The following GORASP2 variants were observed in gnomAD, a reference collection of about 807,000 sequenced individuals.
GORASP2 encodes the protein golgi reassembly stacking protein 2.
A neutral mutation model predicts 45.7 loss-of-function variants in GORASP2; 22 were observed. The observed-to-expected ratio is 0.48, with a 90% CI of 0.34 to 0.69. The LOEUF (loss-of-function observed/expected upper bound fraction) is 0.69. GORASP2 is among the 30% of genes least tolerant of loss of function. The pLI is 0.01. For missense variants in GORASP2, 491 were observed against 562.7 expected, an observed-to-expected ratio of 0.87 and a Z score of 1.29; for synonymous variants, 221 against 215.6, an observed-to-expected ratio of 1.02 and a Z score of -0.22.
At chr2:170,946,208 A>T (rs965530413) in intron 1 of GORASP2, among the ~76,000 whole-genome samples, 1 of 151,918 alleles carries the variant, frequency 6.6e-6, no homozygotes, top group Non-Finnish European at 1.5e-5. Flanking sequence ...GTCTCCCTAT[A>T]TTGCCCAGGC....
At chr2:170,932,435 TG>T (rs1312064756) in intron 1 of GORASP2, among the ~76,000 whole-genome samples, 4 of 152,220 alleles carry the variant, frequency 2.6e-5, no homozygotes, top group Non-Finnish European at 4.4e-5. Context: ...GAGTACCTCC[TG>T]GTGTTGAACA....
chr2:170,949,516 A>G, intron 2 of GORASP2, 23 bp from the exon 3 acceptor site: 1 of 1,580,862 alleles, frequency 6.3e-7, no homozygotes, highest in Non-Finnish European at 8.7e-7. Context: ...TTACTAAGGA[A>G]TGTGATTTCT....
intron 5 of GORASP2, chr2:170,954,252 A>G (rs1704370232): frequency 6.1e-6 from 1 of 163,512 alleles, no homozygotes; most frequent in Admixed American, 6.1e-5. Flanking sequence ...TAATCATCAA[A>G]TGTCTGCCAT....
Position 170,951,369 on chromosome 2 carries a change from A to C in GORASP2, c.477A>C (p.Lys159Asn). 2 of 1,609,904 alleles carry C rather than the reference A, an allele frequency of 1.2e-6. No individual in the cohort carries two copies. Among genetic ancestry groups the C allele is most frequent in the Non-Finnish European group, 1.7e-6 (2 of 1,177,980 alleles). ...GCCTTATCGAAACACATGAAGCAAA[A>C]CCATTGAAACTGTATGTGTACAACA... ...LFSLIETHEA[K>N]PLKLYVYNTD... is the part of the protein sequence containing the mutation. The change falls in exon 5 of 10, where the codon AAA becomes AAC. Residue 159 changes from lysine (K) to asparagine (N), a missense_variant. Lys to Asn is a moderately conservative substitution (Grantham distance 94). This residue lies in a region of GORASP2 where 194 missense variants were observed against 270.4 expected (regional missense o/e 0.72). Coordinates refer to ENST00000234160, the MANE Select transcript of GORASP2 (RefSeq NM_015530.5).
chr2:170,958,351 A>AT (rs2105326857), intron 7 of GORASP2, among the ~76,000 whole-genome samples: 1 of 152,310 alleles, frequency 6.6e-6, no homozygotes, highest in East Asian at 1.9e-4. Context: ...TTTTTAGTAA[A>AT]TTCATAGAAT....
At chr2:170,929,570 C>A (rs1703763832) in intron 1 of GORASP2, 167 bp downstream of exon 1, 1 of 598,432 alleles carries the variant, frequency 1.7e-6, no homozygotes, top group Non-Finnish European at 2.9e-6. Flanking sequence ...AGGCCGCTCG[C>A]ATCCCACCTC....
At chr2:170,961,563 A>G in intron 7 of GORASP2, 100 bp from the exon 8 acceptor site, 2 of 765,788 alleles carry the variant, frequency 2.6e-6, no homozygotes, top group Admixed American at 3.5e-5. Flanking sequence ...TGAAGACCTG[A>G]CCACGGGGCA....
chr2:170,963,050 A>T, intron 9 of GORASP2, 104 bp downstream of exon 9: 4 of 736,936 alleles, frequency 5.4e-6, no homozygotes, highest in Non-Finnish European at 9.7e-6. Context: ...TCAGTTTAAC[A>T]GATTTCAGCT....
chr2:170,949,748 T>C lies in GORASP2; in HGVS notation c.348+6T>C, dbSNP rs1452512570. On this transcript the variant is annotated splice_donor_region_variant and intron_variant, in intron 3 of 9. Transcript: ENST00000234160. ...AAAATGTTTGGCATGTGCTGGTACGTATCAACTGTGAACTGTTACTGGAGG... is the reference window on the plus strand; with the variant it reads ...AAAATGTTTGGCATGTGCTGGTACGCATCAACTGTGAACTGTTACTGGAGG... 3 of 1,592,710 alleles carry C rather than the reference T, an allele frequency of 1.9e-6. No homozygotes were observed. Among genetic ancestry groups the C allele is most frequent in the East Asian group, 4.5e-5 (2 of 44,766 alleles).
chr2:170,951,913 C>T (rs773445584), intron 5 of GORASP2, among the ~76,000 whole-genome samples: 1 of 152,154 alleles, frequency 6.6e-6, no homozygotes, highest in South Asian at 2.1e-4. Flanking sequence ...TAACTTGTTG[C>T]AGTTTGAGAA....
chr2:170,950,111 T>G (rs1704267230), intron 3 of GORASP2, 93 bp from the exon 4 acceptor site: 1 of 660,944 alleles, frequency 1.5e-6, no homozygotes, highest in Non-Finnish European at 2.6e-6. Flanking sequence ...GTATACAGAT[T>G]TAAAAAATCA....
At chr2:170,933,065 T>C (rs1559306251) in intron 1 of GORASP2, among the ~76,000 whole-genome samples, 1 of 152,184 alleles carries the variant, frequency 6.6e-6, no homozygotes. Context: ...TAATATATTT[T>C]CTAGGATTTC....
At chr2:170,949,789 G>A (rs757026103) in intron 3 of GORASP2, 47 bp downstream of exon 3, 1 of 1,382,516 alleles carries the variant, frequency 7.2e-7, no homozygotes, top group South Asian at 1.2e-5. Flanking sequence ...GAAGCAGTGT[G>A]GAAAGATGTT....
rs765506508 is a variant in GORASP2, at chr2:170,966,173, G to A, written c.*43G>A. The A allele has an allele frequency of 5.0e-6, 7 of 1,391,768 alleles. No homozygotes were observed. Among genetic ancestry groups the A allele is most frequent in the South Asian group, 1.2e-5 (1 of 86,488 alleles). 86.2% of individuals were successfully genotyped at this position (1,391,768 alleles called of 1,614,324 possible). A position where few individuals can be genotyped will look rare whatever the true frequency, so the allele number is the denominator to read the frequency against. On this transcript the variant is annotated 3_prime_UTR_variant, in exon 10 of 10. Coordinates refer to ENST00000234160, the MANE Select transcript of GORASP2 (RefSeq NM_015530.5). ...GAATTGGCGTGGTATATTTAACCAC[G>A]GGAGCGTGTCTGGAAACGCAAACTA...
chr2:170,936,998 A>T (rs1703974050), intron 1 of GORASP2, among the ~76,000 whole-genome samples: 1 of 152,108 alleles, frequency 6.6e-6, no homozygotes, highest in Non-Finnish European at 1.5e-5. Context: ...CACCGAGGTC[A>T]GGAGTTCAAG....
chr2:170,929,061 C>T (rs1575464340), upstream of GORASP2: 8 of 359,132 alleles, frequency 2.2e-5, no homozygotes, highest in South Asian at 9.7e-4. Context: ...CTCGCGAGCA[C>T]GACGCGGTGC....
intron 1 of GORASP2, among the ~76,000 whole-genome samples, chr2:170,946,370 A>T (rs879622999): frequency 6.6e-6 from 1 of 151,796 alleles, no homozygotes; most frequent in East Asian, 1.9e-4. Flanking sequence ...AATATTTTGG[A>T]AAAAAAATGT....
intron 5 of GORASP2, 168 bp downstream of exon 5, chr2:170,951,626 A>G (rs1012856850): frequency 2.4e-5 from 13 of 539,590 alleles, no homozygotes; most frequent in Non-Finnish European, 3.9e-5. Context: ...TTTTTAAAGT[A>G]CATATCTAGG....
At position 170,966,323 on chromosome 2, in the gene GORASP2, G is replaced by A; in HGVS notation, c.*193G>A. 1.7e-6 allele frequency: 1 copy of A among 594,868 alleles called. No homozygotes were observed. The highest frequency in any genetic ancestry group is 2.8e-5 in the East Asian group (1 of 35,336). 36.8% of individuals were successfully genotyped at this position (594,868 alleles called of 1,614,324 possible). On this transcript the variant is annotated 3_prime_UTR_variant, in exon 10 of 10. Transcript: ENST00000234160. ...GAGTGGGGCTCACACGCTAGGGTGA[G>A]ATGTCAGAAAGCGCTTGTATTTTAA...
Sources: allele counts gnomAD v4.1 joint callset (sites outside exome capture counted in the v4.1 genomes callset), GRCh38; gene constraint gnomAD v4.1.1; regional missense constraint gnomAD v4.1.1; transcripts MANE v1.5; gene names NCBI Gene and HGNC (gene_info 2026-07-23, HGNC 2026-07-21).